FIP1L1: variants seen among roughly 807,000 people sequenced by gnomAD.
The protein encoded by FIP1L1 is pre-mRNA 3'-end-processing factor FIP1.
In FIP1L1, 21 loss-of-function variants were observed where a neutral mutation model predicts 84.6. The ratio of observed to expected loss-of-function variants is 0.25; its 90% CI spans 0.18 to 0.36. The LOEUF (loss-of-function observed/expected upper bound fraction) is 0.36. Among genes scored for constraint, FIP1L1 ranks in the 10% least tolerant of loss-of-function variants. FIP1L1 has a pLI of 1.00. For synonymous variants in FIP1L1, 263 were observed against 242.3 expected (o/e 1.09, Z -0.80); for missense variants, 526 against 751.1 (o/e 0.70, Z 3.50).
intron 9 of FIP1L1, among the ~76,000 whole-genome samples, 173 bp downstream of exon 9, chr4:53,391,671 G>A (rs1472705358): frequency 2.0e-5 from 3 of 152,128 alleles, no homozygotes; most frequent in Non-Finnish European, 4.4e-5. Flanking sequence ...ACTTTTGCAA[G>A]CATGTGAATT....
chr4:53,459,037 G>C (rs1039105974), intron 17 of FIP1L1, among the ~76,000 whole-genome samples: 1 of 152,032 alleles, frequency 6.6e-6, no homozygotes, highest in Admixed American at 6.6e-5. Context: ...ATTTGTTACT[G>C]TATATTATAA....
intron 10 of FIP1L1, among the ~76,000 whole-genome samples, chr4:53,406,452 A>C (rs1376178299): frequency 6.6e-6 from 1 of 152,130 alleles, no homozygotes; most frequent in Non-Finnish European, 1.5e-5. Context: ...TTCATCAGGG[A>C]TATTGGTCTA....
intron 10 of FIP1L1, among the ~76,000 whole-genome samples, chr4:53,406,303 A>T (rs543365825): frequency 6.6e-6 from 1 of 152,116 alleles, no homozygotes; most frequent in Non-Finnish European, 1.5e-5. Flanking sequence ...TTATATGCTG[A>T]ATTACATTTA....
At chr4:53,403,652 C>T (rs1751444912) in intron 10 of FIP1L1, among the ~76,000 whole-genome samples, 1 of 152,150 alleles carries the variant, frequency 6.6e-6, no homozygotes, top group African/African-American at 2.4e-5. Flanking sequence ...GGCAGGAGAT[C>T]AGATGAATAT....
At chr4:53,432,434 C>CAA (rs1339766241) in intron 13 of FIP1L1, among the ~76,000 whole-genome samples, 1 of 122,242 alleles carries the variant, frequency 8.2e-6, no homozygotes, top group Non-Finnish European at 1.7e-5. Context: ...AGAAAGAAAA[C>CAA]AAATACTGGC....
chr4:53,406,348 A>G (rs1204852619), intron 10 of FIP1L1, among the ~76,000 whole-genome samples: 1 of 152,210 alleles, frequency 6.6e-6, no homozygotes, highest in East Asian at 1.9e-4. Context: ...CTTGCATCCC[A>G]GGGATGAAGC....
chr4:53,414,496 A>G (rs1338932121), intron 10 of FIP1L1, 119 bp from the exon 11 acceptor site: 3 of 596,252 alleles, frequency 5.0e-6, no homozygotes, highest in Non-Finnish European at 6.0e-6. Flanking sequence ...TGAGAATGAT[A>G]CTGTAGGAAC....
chr4:53,406,403 T>G (rs80203776), intron 10 of FIP1L1, among the ~76,000 whole-genome samples: 15,392 of 152,216 alleles, frequency 0.1, 990 homozygotes, highest in East Asian at 0.16. Context: ...CTGCTGGATT[T>G]GTTTTGCCAG....
rs1721835411 is a variant in FIP1L1, at chr4:53,460,680, TGTAGA to T, written c.*1235_*1239del. 9.0e-5 allele frequency: 42 copies of T among 465,750 alleles called. No individual in the cohort carries two copies. The highest frequency in any genetic ancestry group is 7.6e-4 in the South Asian group (25 of 32,860). 28.9% of individuals were successfully genotyped at this position (465,750 alleles called of 1,614,324 possible). A position where few individuals can be genotyped will look rare whatever the true frequency, so the allele number is the denominator to read the frequency against. ...TGAATAGAAAAAATATAAACAATGT[TGTAGA>T]GTAATGAGAAATCCTCCACACTGAA... is the stretch of plus-strand genomic sequence containing the variant. On this transcript the variant is annotated 3_prime_UTR_variant, in exon 18 of 18. Transcript: ENST00000337488.
intron 15 of FIP1L1, among the ~76,000 whole-genome samples, chr4:53,447,356 T>G (rs1191180616): frequency 6.6e-6 from 1 of 152,096 alleles, no homozygotes; most frequent in African/African-American, 2.4e-5. Context: ...CTCTTCTCAT[T>G]TATCTGTTTC....
intron 13 of FIP1L1, among the ~76,000 whole-genome samples, chr4:53,436,108 T>A (rs560928048): frequency 4.1e-4 from 63 of 152,354 alleles, no homozygotes; most frequent in Non-Finnish European, 7.8e-4. Context: ...TTTTTTTCTT[T>A]CATGTGAATT....
intron 16 of FIP1L1, 114 bp from the exon 17 acceptor site, chr4:53,458,539 G>A (rs2150500362): frequency 2.1e-6 from 2 of 944,920 alleles, no homozygotes; most frequent in Admixed American, 5.6e-5. Flanking sequence ...TGTTATAAAA[G>A]ATGCTAATGT....
At chr4:53,391,813 A>G (rs758064544) in intron 9 of FIP1L1, among the ~76,000 whole-genome samples, 1 of 152,212 alleles carries the variant, frequency 6.6e-6, no homozygotes, top group African/African-American at 2.4e-5. Flanking sequence ...CATTGTAGAT[A>G]ATACTCTAAT....
At chr4:53,392,450 T>G (rs893827899) in intron 9 of FIP1L1, among the ~76,000 whole-genome samples, 9 of 152,364 alleles carry the variant, frequency 5.9e-5, no homozygotes, top group African/African-American at 2.2e-4. Context: ...CATCCTACTT[T>G]GCGTAAGTAT....
At chr4:53,415,102 G>A (rs536403595) in intron 11 of FIP1L1, among the ~76,000 whole-genome samples, 4 of 152,088 alleles carry the variant, frequency 2.6e-5, no homozygotes, top group South Asian at 4.2e-4. Flanking sequence ...TTTAGGACCC[G>A]TAAAATTTGA....
intron 3 of FIP1L1, 106 bp from the exon 4 acceptor site, chr4:53,382,172 G>T: frequency 1.3e-6 from 1 of 740,898 alleles, no homozygotes; most frequent in South Asian, 1.9e-5. Context: ...CTCCAGTGGA[G>T]ACAATAATTT....
intron 3 of FIP1L1, among the ~76,000 whole-genome samples, chr4:53,379,496 A>C (rs954818637): frequency 1.3e-5 from 2 of 152,220 alleles, no homozygotes; most frequent in African/African-American, 4.8e-5. Context: ...GATTGGACTG[A>C]TTTTACACTG....
At chr4:53,454,690 G>A (rs1468032436) in intron 16 of FIP1L1, among the ~76,000 whole-genome samples, 1 of 152,116 alleles carries the variant, frequency 6.6e-6, no homozygotes, top group East Asian at 1.9e-4. Flanking sequence ...TAATTCTAAG[G>A]ACTCCAGGAT....
intron 9 of FIP1L1, among the ~76,000 whole-genome samples, chr4:53,397,365 A>C (rs1747944217): frequency 6.6e-6 from 1 of 152,186 alleles, no homozygotes; most frequent in Non-Finnish European, 1.5e-5. Flanking sequence ...CCAGAGAGTG[A>C]GCTGTGTGGC....
Sources: allele counts gnomAD v4.1 joint callset (sites outside exome capture counted in the v4.1 genomes callset), GRCh38; gene constraint gnomAD v4.1.1; transcripts MANE v1.5; gene names NCBI Gene and HGNC (gene_info 2026-07-23, HGNC 2026-07-21).